ITPKB: variants seen among roughly 807,000 people sequenced by gnomAD.
ITPKB encodes the protein inositol-trisphosphate 3-kinase B.
ITPKB carries 13 observed loss-of-function variants against 69.4 expected under a neutral mutation model. That is an observed-to-expected ratio of 0.19 (90% confidence interval 0.12 to 0.30). The LOEUF (loss-of-function observed/expected upper bound fraction) is 0.30. Among genes scored for constraint, ITPKB ranks in the 10% least tolerant of loss-of-function variants. The pLI is 1.00. For missense variants in ITPKB, 1,240 were observed against 1,250.5 expected (o/e 0.99, Z 0.13); for synonymous variants, 584 against 513.7 (o/e 1.14, Z -1.85).
chr1:226,699,728 AAAAG>A lies in ITPKB; in HGVS notation c.1932+35795_1932+35798del, dbSNP rs915073221. ...AGTACAGCAGAGCTTCATTAATTAAAAAAGAAAGAAAGAAAGAAAGAAAAAGAAA... is the reference window on the plus strand; with the variant it reads ...AGTACAGCAGAGCTTCATTAATTAAAAAAGAAAGAAAGAAAGAAAAAGAAA... On this transcript the variant is annotated intron_variant, in intron 2 of 7. Coordinates refer to ENST00000429204, the MANE Select transcript of ITPKB (RefSeq NM_002221.4). 6.8e-4 allele frequency among the ~76,000 whole-genome samples: 103 copies of A among 152,326 alleles called. No individual in the cohort carries two copies. The South Asian group carries it at 9.1e-3, about 13-fold the overall frequency.
At chr1:226,667,287 T>C (rs905328706) in intron 2 of ITPKB, among the ~76,000 whole-genome samples, 5 of 152,184 alleles carry the variant, frequency 3.3e-5, no homozygotes, top group Non-Finnish European at 4.4e-5. Flanking sequence ...CACACTGCTT[T>C]CCCAGAGTTG....
chr1:226,714,591 C>T (rs1430688467), intron 2 of ITPKB, among the ~76,000 whole-genome samples: 3 of 152,200 alleles, frequency 2.0e-5, no homozygotes, highest in African/African-American at 4.8e-5. Flanking sequence ...CCTCCTGCTG[C>T]CATGCTTTTG....
In ITPKB at chr1:226,738,194, C is replaced by G. The variant is rs1410743566; in HGVS notation, c.-205-531G>C. ...GGAACCTAAGCGGGACCTGCCTTGCCCGAGCCGCTGCCAGCGCCCGGATCT... is the reference window on the plus strand; with the variant it reads ...GGAACCTAAGCGGGACCTGCCTTGCGCGAGCCGCTGCCAGCGCCCGGATCT... On this transcript the variant is annotated intron_variant, in intron 1 of 7. Coordinates refer to ENST00000429204, the MANE Select transcript of ITPKB (RefSeq NM_002221.4). This position sits in a 1 kb window ranked among gnomAD's most constrained non-coding sequence, Gnocchi z 4.2. Among the ~76,000 whole-genome samples the G allele has an allele frequency of 6.6e-6, 1 of 152,128 alleles. No homozygotes were observed. Among genetic ancestry groups the G allele is most frequent in the Non-Finnish European group, 1.5e-5 (1 of 67,992 alleles).
At chr1:226,644,059 G>A (rs1253175021) in intron 4 of ITPKB, among the ~76,000 whole-genome samples, 3 of 152,246 alleles carry the variant, frequency 2.0e-5, no homozygotes, top group Non-Finnish European at 2.9e-5. Flanking sequence ...GTGGGTGGCT[G>A]CACTTCTGCA....
intron 2 of ITPKB, among the ~76,000 whole-genome samples, chr1:226,655,529 C>A (rs533794264): frequency 6.6e-6 from 1 of 152,320 alleles, no homozygotes; most frequent in East Asian, 1.9e-4. Context: ...AGAGAAGTCC[C>A]CTGGAAAGGC....
rs936688875 is a variant in ITPKB at position 226,736,795 on chromosome 1, C to A, written c.664G>T (p.Gly222Trp). Residue 222 changes from glycine (G) to tryptophan (W), a missense_variant, in exon 2 of 8, where the codon GGG (glycine) becomes TGG (tryptophan). This residue lies in a region of ITPKB where 992 missense variants were observed against 853.8 expected (regional missense o/e 1.16). Transcript: ENST00000429204. The stretch of plus-strand genomic sequence containing the variant: ...ACCTGCGAGGAGCATAGGCTGGGCC[C>A]TCCTTTCCTCCCGGAGTCGGTTCCT... ...TSGTDSGRKGGPSLCSSQVKK... is the reference protein window; with the variant it reads ...TSGTDSGRKGWPSLCSSQVKK... The A allele has an allele frequency of 3.7e-6, 6 of 1,613,092 alleles. No individual in the cohort carries two copies. The highest frequency in any genetic ancestry group is 4.2e-6 in the Non-Finnish European group (5 of 1,180,022).
chr1:226,634,770 G>A lies in ITPKB; in HGVS notation c.2742C>T (p.Val914=), dbSNP rs887174315. 1 of 1,471,044 alleles carries A rather than the reference G, an allele frequency of 6.8e-7. No individual in the cohort carries two copies. The highest frequency in any genetic ancestry group is 9.5e-7 in the Non-Finnish European group (1 of 1,049,430). 91.1% of individuals were successfully genotyped at this position (1,471,044 alleles called of 1,614,324 possible). A position where few individuals can be genotyped will look rare whatever the true frequency, so the allele number is the denominator to read the frequency against. ...LPEGQTLQHD[V]PWQEGNREDG... Reference sequence around the variant, plus strand: ...CCTCCCGGTTCCCCTCCTGCCAGGGGACGTCATGCTGCAGGGTCTGGCCCT... The same window carrying A: ...CCTCCCGGTTCCCCTCCTGCCAGGGAACGTCATGCTGCAGGGTCTGGCCCT... The change falls in exon 8 of 8, where the codon GTC becomes GTT. Residue 914 remains valine, a synonymous_variant. Coordinates refer to ENST00000429204, the MANE Select transcript of ITPKB (RefSeq NM_002221.4). This position sits in a 1 kb window ranked among gnomAD's most constrained non-coding sequence, Gnocchi z 6.3.
chr1:226,655,839 C>G (rs1315015810), intron 2 of ITPKB, among the ~76,000 whole-genome samples: 4 of 152,192 alleles, frequency 2.6e-5, no homozygotes, highest in Non-Finnish European at 5.9e-5. Flanking sequence ...GGTTGTGACG[C>G]TGGGGGCAGA....
At chr1:226,705,281 G>A (rs1177691318) in intron 2 of ITPKB, among the ~76,000 whole-genome samples, 1 of 152,136 alleles carries the variant, frequency 6.6e-6, no homozygotes, top group African/African-American at 2.4e-5. Context: ...TGTAATCCCA[G>A]CACTTTGGGA....
intron 2 of ITPKB, among the ~76,000 whole-genome samples, chr1:226,659,868 G>A (rs552351225): frequency 3.9e-5 from 6 of 152,246 alleles, no homozygotes; most frequent in South Asian, 2.1e-4. Context: ...CTGCACAGCC[G>A]GCAGGAATCC....
At chr1:226,720,483 G>A in intron 2 of ITPKB, among the ~76,000 whole-genome samples, 1 of 152,194 alleles carries the variant, frequency 6.6e-6, no homozygotes, top group Non-Finnish European at 1.5e-5. Flanking sequence ...TCCCAGTCCT[G>A]CCATTGATCA....
chr1:226,715,957 C>CTATGACTACAG (rs1373678736), intron 2 of ITPKB, among the ~76,000 whole-genome samples: 1 of 152,128 alleles, frequency 6.6e-6, no homozygotes, highest in Non-Finnish European at 1.5e-5. Flanking sequence ...ACTACAGGTG[C>CTATGACTACAG]CCGTCATAAT....
At chr1:226,712,811 G>A (rs916082740) in intron 2 of ITPKB, among the ~76,000 whole-genome samples, 8 of 152,146 alleles carry the variant, frequency 5.3e-5, no homozygotes, top group African/African-American at 1.9e-4. Flanking sequence ...TTAGCGTCCC[G>A]GTGCATCACG....
chr1:226,678,860 T>G (rs754671965), intron 2 of ITPKB, among the ~76,000 whole-genome samples: 2 of 152,078 alleles, frequency 1.3e-5, no homozygotes, highest in Non-Finnish European at 2.9e-5. Flanking sequence ...GAAGTGACAA[T>G]AGAGGTATCA....
intron 2 of ITPKB, among the ~76,000 whole-genome samples, chr1:226,660,495 A>G (rs1669381019): frequency 6.6e-6 from 1 of 152,216 alleles, no homozygotes; most frequent in African/African-American, 2.4e-5. Flanking sequence ...CAAATGCTCC[A>G]TCTCTGGTGA....
chr1:226,696,543 A>G (rs1656492178), intron 2 of ITPKB, among the ~76,000 whole-genome samples: 1 of 152,170 alleles, frequency 6.6e-6, no homozygotes, highest in Admixed American at 6.5e-5. Flanking sequence ...GTTTTCTGAG[A>G]ACATAATTTC....
rs1387042734 is a variant in ITPKB at position 226,738,786 on chromosome 1, G to C, written c.-206+255C>G. Among the ~76,000 whole-genome samples the C allele has an allele frequency of 2.0e-5, 3 of 152,212 alleles. No individual in the cohort carries two copies. Among genetic ancestry groups the C allele is most frequent in the Non-Finnish European group, 1.5e-5 (1 of 68,028 alleles). ...AGACCCCAGCCTGGGGACTCCTGGA[G>C]CGCGCTGAGGGAGGCGGCGCGGAGT... On this transcript the variant is annotated intron_variant, in intron 1 of 7. Coordinates refer to ENST00000429204, the MANE Select transcript of ITPKB (RefSeq NM_002221.4). The surrounding 1 kb of genome is among the most constrained non-coding windows in gnomAD (Gnocchi z 4.2).
At position 226,642,497 on chromosome 1, in the gene ITPKB, G is replaced by C. The variant is rs993277142; in HGVS notation, c.2247-372C>G. On this transcript the variant is annotated intron_variant, in intron 4 of 7. Transcript: ENST00000429204. The surrounding 1 kb of genome is among the most constrained non-coding windows in gnomAD (Gnocchi z 6.4). Reference sequence around the variant, plus strand: ...GTTGGCTCTTGATCCAGGAGAAAAGGTGCAGCCTCACTGAATCGGACTGCC... The same window carrying C: ...GTTGGCTCTTGATCCAGGAGAAAAGCTGCAGCCTCACTGAATCGGACTGCC... Among the ~76,000 whole-genome samples the C allele has an allele frequency of 6.6e-6, 1 of 151,996 alleles. No individual in the cohort carries two copies. The highest frequency in any genetic ancestry group is 6.6e-5 in the Admixed American group (1 of 15,252).
At chr1:226,639,736 C>T in intron 5 of ITPKB, 78 bp from the exon 6 acceptor site, 1 of 955,824 alleles carries the variant, frequency 1.0e-6, no homozygotes, top group Non-Finnish European at 1.7e-6. Flanking sequence ...CACCCAACAC[C>T]ACAGAGCAGG....
Sources: gnomAD v4.1 joint callset for allele counts (sites outside exome capture counted in the v4.1 genomes callset) on GRCh38, gnomAD v4.1.1 for gene constraint, gnomAD v4.1.1 regional missense constraint, Gnocchi (gnomAD v3.1) non-coding constraint, MANE v1.5 for transcripts, NCBI Gene and HGNC (gene_info 2026-07-23, HGNC 2026-07-21) for gene names.